NKTR: variants seen among roughly 807,000 people sequenced by gnomAD.
The protein encoded by NKTR is natural killer cell triggering receptor.
NKTR carries 67 observed loss-of-function variants against 156.3 expected under a neutral mutation model. The ratio of observed to expected loss-of-function variants is 0.43; its 90% confidence interval spans 0.35 to 0.53. The LOEUF is 0.53. NKTR is among the 20% of genes least tolerant of loss of function. NKTR has a pLI of 0.01. For synonymous variants in NKTR, 640 were observed against 596.6 expected (o/e 1.07, Z -1.06); for missense variants, 1,604 against 1,730.9 (o/e 0.93, Z 1.30).
intron 6 of NKTR, among the ~76,000 whole-genome samples, chr3:42,625,366 C>G (rs190795213): frequency 6.6e-6 from 1 of 151,652 alleles, no homozygotes; most frequent in African/African-American, 2.4e-5. Flanking sequence ...ATAGAAGAGT[C>G]AAACTTTGAA....
intron 2 of NKTR, among the ~76,000 whole-genome samples, chr3:42,610,309 A>C (rs754623506): frequency 2.0e-5 from 3 of 152,034 alleles, no homozygotes; most frequent in African/African-American, 4.8e-5. Context: ...CCTAGCCTAC[A>C]TTGACTAGAA....
intron 6 of NKTR, chr3:42,627,656 C>T (rs997528134): frequency 7.1e-6 from 7 of 983,530 alleles, no homozygotes; most frequent in African/African-American, 7.0e-5. Context: ...ATTCAGGGGT[C>T]GGGAAAACTG....
rs979165482 is a variant in NKTR, at chr3:42,632,454, A to G, written c.551-147A>G. On this transcript the variant is annotated intron_variant, in intron 8 of 16. Transcript: ENST00000232978. ...ACCTTACAATCTTGCCAGTAATTTTATTATAAACTTGAAAAAAACTGTCTA... is the reference window on the plus strand; with the variant it reads ...ACCTTACAATCTTGCCAGTAATTTTGTTATAAACTTGAAAAAAACTGTCTA... 1.2e-5 allele frequency: 7 copies of G among 592,726 alleles called. No homozygotes were observed. The East Asian group carries it at 2.0e-4, about 17-fold the overall frequency. 36.7% of individuals were successfully genotyped at this position (592,726 alleles called of 1,614,324 possible).
At chr3:42,634,922 G>GAGT (rs1378148869) in intron 11 of NKTR, 11 of 472,426 alleles carry the variant, frequency 2.3e-5, no homozygotes, top group African/African-American at 4.0e-5. Context: ...AACCATCAGT[G>GAGT]AGTATGCTGA....
At chr3:42,629,989 T>C (rs369693966) in intron 6 of NKTR, 4 of 985,222 alleles carry the variant, frequency 4.1e-6, no homozygotes, top group East Asian at 1.1e-4. Context: ...GAGCTTCACC[T>C]TGGGTGAAGG....
chr3:42,627,005 A>C (rs1708456014), intron 6 of NKTR: 1 of 223,236 alleles, frequency 4.5e-6, no homozygotes, highest in African/African-American at 2.3e-5. Context: ...GCTTTTCTTA[A>C]GCATAATTCA....
intron 11 of NKTR, 138 bp from the exon 12 acceptor site, chr3:42,635,083 T>A: frequency 1.2e-5 from 6 of 514,152 alleles, no homozygotes; most frequent in East Asian, 3.6e-5. Context: ...AAAAAAGAAC[T>A]TTAGACCATC....
chr3:42,619,949 G>A, intron 5 of NKTR: 2 of 1,510,924 alleles, frequency 1.3e-6, no homozygotes, highest in Non-Finnish European at 1.8e-6. Flanking sequence ...ATGGAGGTTA[G>A]GCAACTATAT....
At chr3:42,617,729 A>G (rs914672997) in intron 3 of NKTR, 85 bp downstream of exon 3, 2 of 692,028 alleles carry the variant, frequency 2.9e-6, no homozygotes, top group Non-Finnish European at 5.1e-6. Flanking sequence ...TGGAAGAATA[A>G]TGGACTCGTG....
At chr3:42,603,631 C>G (rs1261743287) in intron 2 of NKTR, among the ~76,000 whole-genome samples, 1 of 151,090 alleles carries the variant, frequency 6.6e-6, no homozygotes, top group Non-Finnish European at 1.5e-5. Context: ...TTACATTGTT[C>G]TAGGTTTAAT....
chr3:42,601,336 G>A, intron 2 of NKTR: 1 of 325,044 alleles, frequency 3.1e-6, no homozygotes, highest in South Asian at 7.4e-5. Flanking sequence ...AAGAAAAGGA[G>A]GTGCAGTTCT....
At chr3:42,636,219 G>C (rs1333702819) in intron 12 of NKTR, among the ~76,000 whole-genome samples, 1 of 152,152 alleles carries the variant, frequency 6.6e-6, no homozygotes, top group East Asian at 1.9e-4. Context: ...AGAGTGGTTT[G>C]GAATTGTGAA....
At chr3:42,602,717 CAG>C (rs888332193) in intron 2 of NKTR, 3 of 149,278 alleles carry the variant, frequency 2.0e-5, no homozygotes, top group African/African-American at 7.4e-5. Context: ...CTTTAGATAA[CAG>C]GGTTATTTTC....
chr3:42,643,662 C>T (rs189585379), intron 15 of NKTR: 4 of 663,014 alleles, frequency 6.0e-6, no homozygotes, highest in Admixed American at 2.3e-5. Context: ...CAAACTAACT[C>T]GTTAACTTTG....
intron 6 of NKTR, chr3:42,628,642 A>G (rs1708610060): frequency 5.1e-6 from 5 of 985,284 alleles, no homozygotes; most frequent in Admixed American, 6.1e-5. Flanking sequence ...TCAGGAAACC[A>G]TACATCGTTT....
chr3:42,601,736 A>T (rs1056277005), intron 2 of NKTR: 2 of 152,192 alleles, frequency 1.3e-5, no homozygotes, highest in African/African-American at 4.8e-5. Context: ...CAGGGTTTCA[A>T]ACTGTTTTCT....
At chr3:42,641,627 C>T (rs61149998) in intron 13 of NKTR, among the ~76,000 whole-genome samples, 177 of 152,224 alleles carry the variant, frequency 1.2e-3, no homozygotes, top group Non-Finnish European at 2.0e-3. Context: ...CACCTGTAAT[C>T]CCAGTACTTT....
rs1706140785 is a variant in NKTR at position 42,605,421 on chromosome 3, A to G, written c.58+4357A>G. Among the ~76,000 whole-genome samples, 2 of 152,238 alleles carry G rather than the reference A, an allele frequency of 1.3e-5. 1 individual carries two copies. The highest frequency in any genetic ancestry group is 1.3e-4 in the Admixed American group (2 of 15,282). On this transcript the variant is annotated intron_variant, in intron 2 of 16. Transcript: ENST00000232978. ...AATGTGTTTTTAGCAAACATTGTAA[A>G]GTATTTAGAAGTGATACCAAGAAAT...
At position 42,637,924 on chromosome 3, in the gene NKTR, A is replaced by G. The variant is rs371281014; in HGVS notation, c.2220A>G (p.Arg740=). Residue 740 remains arginine (R), a synonymous_variant, in exon 13 of 17, where the codon AGA becomes AGG. Transcript: ENST00000232978. ...NKYSDHSQCS[R]SSSYTSISSD... is the part of the protein sequence containing the mutation. ...ACAGTGATCATTCACAGTGTAGTAG[A>G]TCATCTTCATATACTTCTATTAGCA... 1 of 1,613,880 alleles carries G rather than the reference A, an allele frequency of 6.2e-7. No homozygotes were observed. Among genetic ancestry groups the G allele is most frequent in the African/African-American group, 1.3e-5 (1 of 74,926 alleles).
Sources: gnomAD v4.1 joint callset for allele counts (sites outside exome capture counted in the v4.1 genomes callset) on GRCh38, gnomAD v4.1.1 for gene constraint, MANE v1.5 for transcripts, NCBI Gene and HGNC (gene_info 2026-07-23, HGNC 2026-07-21) for gene names.